The following ITPR2 variants were observed in gnomAD, a reference collection of about 807,000 sequenced individuals.
The protein encoded by ITPR2 is inositol 1,4,5-trisphosphate-gated calcium channel ITPR2.
In ITPR2, 207 loss-of-function variants were observed where a neutral mutation model predicts 317.1. The ratio of observed to expected loss-of-function variants is 0.65; its 90% CI spans 0.58 to 0.73. The LOEUF (loss-of-function observed/expected upper bound fraction) is 0.73, where lower values mean the gene tolerates loss of function less well. Ranked by LOEUF, ITPR2 falls within the 30% of genes least tolerant of loss-of-function variation. ITPR2 has a pLI of 0.00. For missense variants in ITPR2, 2,613 were observed against 3,284.0 expected (o/e 0.80, Z 4.99); for synonymous variants, 1,156 against 1,149.1 (o/e 1.01, Z -0.12).
chr12:26,414,142 G>T (rs1235036987), intron 51 of ITPR2, among the ~76,000 whole-genome samples: 1 of 150,738 alleles, frequency 6.6e-6, no homozygotes, highest in Non-Finnish European at 1.5e-5. Flanking sequence ...AACATTTAAG[G>T]AAGAAGAACA....
intron 5 of ITPR2, among the ~76,000 whole-genome samples, chr12:26,719,318 T>C (rs1410196893): frequency 2.0e-5 from 3 of 152,174 alleles, no homozygotes; most frequent in Non-Finnish European, 2.9e-5. Context: ...ATGTATTTAA[T>C]ATAGAACTTG....
At position 26,621,308 on chromosome 12, in the gene ITPR2, G is replaced by T; in HGVS notation, c.3289-12C>A. On this transcript the variant is annotated splice_polypyrimidine_tract_variant and intron_variant, in intron 25 of 56. Coordinates refer to ENST00000381340, the MANE Select transcript of ITPR2 (RefSeq NM_002223.4). ...ACCAGTAATTGCACCTAAAACAGAA[G>T]AATTTCAATCTTAGTTGAAGTTCAC... is the stretch of plus-strand genomic sequence containing the variant. 6.3e-7 allele frequency: 1 copy of T among 1,589,134 alleles called. No homozygotes were observed. The highest frequency in any genetic ancestry group is 1.1e-5 in the South Asian group (1 of 87,562).
At chr12:26,561,403 G>A (rs1198047488) in intron 35 of ITPR2, among the ~76,000 whole-genome samples, 1 of 152,196 alleles carries the variant, frequency 6.6e-6, no homozygotes, top group Non-Finnish European at 1.5e-5. Flanking sequence ...CAAGGTGCTT[G>A]GATCATTCTG....
chr12:26,390,774 C>T (rs1194423022), intron 54 of ITPR2, among the ~76,000 whole-genome samples: 1 of 151,936 alleles, frequency 6.6e-6, no homozygotes, highest in East Asian at 1.9e-4. Context: ...TTAACAACAA[C>T]AACAACAAAA....
At chr12:26,792,354 C>G (rs984929311) in intron 1 of ITPR2, among the ~76,000 whole-genome samples, 7 of 151,312 alleles carry the variant, frequency 4.6e-5, no homozygotes, top group African/African-American at 1.5e-4. Flanking sequence ...TGATCACTGG[C>G]ATTAAAAGTC....
At chr12:26,637,375 AT>A (rs1181311915) in intron 21 of ITPR2, among the ~76,000 whole-genome samples, 1 of 152,066 alleles carries the variant, frequency 6.6e-6, no homozygotes, top group African/African-American at 2.4e-5. Flanking sequence ...TTGCTTAGGA[AT>A]TTTTTTTAAC....
chr12:26,722,261 T>C (rs2137044360), intron 5 of ITPR2, 136 bp downstream of exon 5: 2 of 645,252 alleles, frequency 3.1e-6, no homozygotes, highest in South Asian at 5.1e-5. Context: ...ATGTTTAACC[T>C]AGTAGATACT....
At chr12:26,494,382 C>T (rs1281590043) in intron 38 of ITPR2, 42 bp from the exon 39 acceptor site, 4 of 1,273,222 alleles carry the variant, frequency 3.1e-6, no homozygotes, top group Middle Eastern at 1.8e-4. Flanking sequence ...TAATTGTAGA[C>T]ATTATTAATA....
rs1167390310 is a variant in ITPR2, at chr12:26,597,037, T to A, written c.4100A>T (p.Asp1367Val). 1.2e-6 allele frequency: 2 copies of A among 1,613,934 alleles called. No homozygotes were observed. Among genetic ancestry groups the A allele is most frequent in the Non-Finnish European group, 1.7e-6 (2 of 1,180,008 alleles). Reference sequence around the variant, plus strand: ...GTGGTAGGCTAAGGGGCCACTCTCATCCCCTCGGTCTCTCTCTGAACACAT... The same window carrying A: ...GTGGTAGGCTAAGGGGCCACTCTCAACCCCTCGGTCTCTCTCTGAACACAT... ...HMMCSERDRG[D>V]ESGPLAYHIT... Residue 1367 changes from aspartate (D) to valine (V), a missense_variant, in exon 31 of 57, where the codon GAT (aspartate) becomes GTT (valine). This residue lies in a region of ITPR2 where 817 missense variants were observed against 897.6 expected (regional missense o/e 0.91). Coordinates refer to ENST00000381340, the MANE Select transcript of ITPR2 (RefSeq NM_002223.4).
At position 26,566,128 on chromosome 12, in the gene ITPR2, A is replaced by G. The variant is rs184525369; in HGVS notation, c.4631-4176T>C. ...GAGGAAAGGAGAAGGAGAGGAGGAG[A>G]GGGAGAGGAGGAGAGGAAAGGAGAA... On this transcript the variant is annotated intron_variant, in intron 34 of 56. Transcript: ENST00000381340. 6.6e-3 allele frequency among the ~76,000 whole-genome samples: 643 copies of G among 97,624 alleles called. 7 individuals are homozygous for G. The highest frequency in any genetic ancestry group is 0.035 in the South Asian group (76 of 2,200). The allele number at this position is 97,624 out of a possible 152,430, so 64.0% of individuals were successfully genotyped here.
chr12:26,740,787 C>T (rs927725997), intron 2 of ITPR2, among the ~76,000 whole-genome samples: 3 of 152,158 alleles, frequency 2.0e-5, no homozygotes, highest in African/African-American at 7.2e-5. Context: ...TTATTATGGA[C>T]TATATGTTAA....
At chr12:26,423,300 T>C (rs1940950975) in intron 49 of ITPR2, among the ~76,000 whole-genome samples, 1 of 152,164 alleles carries the variant, frequency 6.6e-6, no homozygotes, top group Admixed American at 6.5e-5. Flanking sequence ...ACCTTACGAA[T>C]TAGCAGTAAC....
intron 46 of ITPR2, among the ~76,000 whole-genome samples, chr12:26,439,651 T>G (rs550855235): frequency 2.2e-4 from 33 of 152,324 alleles, no homozygotes; most frequent in African/African-American, 7.7e-4. Flanking sequence ...ACAGTCTTAA[T>G]TAGAAAGTGA....
chr12:26,722,073 T>G (rs1948848616), intron 5 of ITPR2, among the ~76,000 whole-genome samples: 1 of 152,196 alleles, frequency 6.6e-6, no homozygotes, highest in South Asian at 2.1e-4. Flanking sequence ...CAGCTCTTTT[T>G]CCTTATGACC....
chr12:26,768,591 A>AAC lies in ITPR2; in HGVS notation c.163+21565_163+21566insGT, dbSNP rs71069264. 1.7e-3 allele frequency among the ~76,000 whole-genome samples: 232 copies of AAC among 140,242 alleles called. 2 individuals are homozygous for AAC. Among genetic ancestry groups the AAC allele is most frequent in the African/African-American group, 5.5e-3 (201 of 36,676 alleles). 92.0% of individuals were successfully genotyped at this position (140,242 alleles called of 152,430 possible). On this transcript the variant is annotated intron_variant, in intron 2 of 56. Transcript: ENST00000381340. ...ATATATAAAAAAAAAAAAAAAAAAA[A>AAC]AAAAAACCTCCTGTTTCCTGACTGT...
At chr12:26,528,449 G>C (rs1943863472) in intron 37 of ITPR2, among the ~76,000 whole-genome samples, 2 of 152,194 alleles carry the variant, frequency 1.3e-5, no homozygotes, top group South Asian at 2.1e-4. Context: ...ATCTTTCTTA[G>C]CCACTTATAA....
intron 23 of ITPR2, among the ~76,000 whole-genome samples, chr12:26,626,909 T>C (rs1411909394): frequency 1.3e-5 from 2 of 152,018 alleles, no homozygotes; most frequent in African/African-American, 4.8e-5. Flanking sequence ...AAATCTTCAA[T>C]AAGACATACT....
At position 26,595,421 on chromosome 12, in the gene ITPR2, C is replaced by T. The variant is rs772103893; in HGVS notation, c.4380+44G>A. 9.2e-5 allele frequency: 144 copies of T among 1,570,910 alleles called. 1 individual carries two copies. In the Middle Eastern group the frequency reaches 1.7e-3, roughly 18 times the overall value. ...ATCCAGATGCTTAATACTATTTAGT[C>T]GAAATATCTATTGACACCCTTCAGT... On this transcript the variant is annotated intron_variant, in intron 32 of 56. Transcript: ENST00000381340.
chr12:26,807,973 A>AC (rs1950667428), intron 1 of ITPR2, among the ~76,000 whole-genome samples: 1 of 151,978 alleles, frequency 6.6e-6, no homozygotes, highest in African/African-American at 2.4e-5. Flanking sequence ...CTCTCCCATT[A>AC]CCCCCAGACA....
Sources: allele counts gnomAD v4.1 joint callset (sites outside exome capture counted in the v4.1 genomes callset), GRCh38; gene constraint gnomAD v4.1.1; regional missense constraint gnomAD v4.1.1; transcripts MANE v1.5; gene names NCBI Gene and HGNC (gene_info 2026-07-23, HGNC 2026-07-21).